Variants in SGTB observed in about 807,000 individuals in gnomAD.
SGTB encodes the protein small glutamine rich tetratricopeptide repeat co-chaperone beta, also known as small glutamine-rich tetratricopeptide repeat-containing protein beta.
A neutral mutation model predicts 43.9 loss-of-function variants in SGTB; 19 were observed. That is an observed-to-expected ratio of 0.43 (90% confidence interval 0.30 to 0.63). SGTB has a LOEUF of 0.63. Ranked by LOEUF, SGTB falls within the 30% of genes least tolerant of loss-of-function variation. The pLI is 0.12. For synonymous variants in SGTB, 116 were observed against 117.3 expected, an observed-to-expected ratio of 0.99 and a Z score of 0.07; for missense variants, 304 against 358.9, an observed-to-expected ratio of 0.85 and a Z score of 1.24.
At chr5:65,716,772 TA>T (rs1160266144) in intron 2 of SGTB, among the ~76,000 whole-genome samples, 2 of 152,136 alleles carry the variant, frequency 1.3e-5, no homozygotes, top group Non-Finnish European at 1.5e-5. Flanking sequence ...CTTGGATATA[TA>T]AGACCTTCAG....
chr5:65,704,082 G>C (rs1256293703), intron 5 of SGTB, among the ~76,000 whole-genome samples, 197 bp downstream of exon 5: 1 of 150,422 alleles, frequency 6.6e-6, no homozygotes, highest in African/African-American at 2.4e-5. Flanking sequence ...ATAAATTTAT[G>C]TAAGACAAAA....
intron 5 of SGTB, among the ~76,000 whole-genome samples, chr5:65,702,029 C>A (rs1757836080): frequency 2.6e-5 from 4 of 152,208 alleles, no homozygotes; most frequent in African/African-American, 9.6e-5. Context: ...TGGCTAGTGG[C>A]AACTGAGTTG....
At chr5:65,694,274 A>G (rs1757673999) in intron 5 of SGTB, among the ~76,000 whole-genome samples, 1 of 151,944 alleles carries the variant, frequency 6.6e-6, no homozygotes. Flanking sequence ...TACTAAAACT[A>G]CAAAAAAATT....
chr5:65,677,428 G>A (rs771893560), intron 8 of SGTB, among the ~76,000 whole-genome samples: 9 of 150,840 alleles, frequency 6.0e-5, no homozygotes, highest in African/African-American at 1.2e-4. Context: ...AGCTGGTACC[G>A]TTCCTACAGA....
intron 8 of SGTB, among the ~76,000 whole-genome samples, chr5:65,679,505 T>C (rs1335127298): frequency 6.6e-6 from 1 of 152,038 alleles, no homozygotes; most frequent in Non-Finnish European, 1.5e-5. Flanking sequence ...TAATCCCAGC[T>C]ACTCAGGAGG....
At chr5:65,720,912 G>T in intron 1 of SGTB, 83 bp from the exon 2 acceptor site, 2 of 1,378,396 alleles carry the variant, frequency 1.5e-6, no homozygotes, top group Non-Finnish European at 1.9e-6. Flanking sequence ...GATGATATGG[G>T]TTATAAAGTG....
Position 65,671,947 on chromosome 5 carries a change from C to G in SGTB, c.771G>C (p.Gly257=). ...NAIGGPAAGV[G]GLTDLSSLIQ... Reference sequence around the variant, plus strand: ...TGAGGCTTGACAGGTCAGTTAGGCCCCCAACTCCAGCAGCAGGTCCCCCAA... The same window carrying G: ...TGAGGCTTGACAGGTCAGTTAGGCCGCCAACTCCAGCAGCAGGTCCCCCAA... The change falls in exon 10 of 11, where the codon GGG becomes GGC. Residue 257 remains glycine, a synonymous_variant. Coordinates refer to ENST00000381007, the MANE Select transcript of SGTB (RefSeq NM_019072.3). The G allele has an allele frequency of 6.2e-7, 1 of 1,613,906 alleles. No individual in the cohort carries two copies. Among genetic ancestry groups the G allele is most frequent in the Non-Finnish European group, 8.5e-7 (1 of 1,179,952 alleles).
intron 5 of SGTB, among the ~76,000 whole-genome samples, chr5:65,688,394 A>G (rs1045573393): frequency 3.9e-5 from 6 of 152,206 alleles, no homozygotes; most frequent in Non-Finnish European, 7.3e-5. Flanking sequence ...AAATGCCTCA[A>G]TCTCATCTCT....
chr5:65,673,469 C>T (rs1241144226), intron 8 of SGTB, among the ~76,000 whole-genome samples: 1 of 152,156 alleles, frequency 6.6e-6, no homozygotes, highest in African/African-American at 2.4e-5. Flanking sequence ...GCATTAGATT[C>T]TCATAGGAGC....
rs979131269 is a variant in SGTB at position 65,716,440 on chromosome 5, C to T, written c.101-3376G>A. Among the ~76,000 whole-genome samples the T allele has an allele frequency of 3.9e-5, 6 of 152,278 alleles. No individual in the cohort carries two copies. In the South Asian group the frequency reaches 1.2e-3, roughly 32 times the overall value. Reference sequence around the variant, plus strand: ...GGGGCAAGAATAGAAGCAGAGAGACCAGTTAGAGGCTATCACACTAAAACA... The same window carrying T: ...GGGGCAAGAATAGAAGCAGAGAGACTAGTTAGAGGCTATCACACTAAAACA... On this transcript the variant is annotated intron_variant, in intron 2 of 10. Transcript: ENST00000381007.
chr5:65,714,106 A>AT (rs1269624776), intron 2 of SGTB, among the ~76,000 whole-genome samples: 1 of 152,178 alleles, frequency 6.6e-6, no homozygotes, highest in African/African-American at 2.4e-5. Context: ...CTAAAATATT[A>AT]TTTTTTTAAA....
intron 3 of SGTB, 93 bp downstream of exon 3, chr5:65,712,868 T>G: frequency 1.2e-6 from 1 of 853,396 alleles, no homozygotes; most frequent in East Asian, 2.6e-5. Context: ...ATGAAGTTAA[T>G]TACTCATATA....
chr5:65,689,036 T>C (rs1757552065), intron 5 of SGTB, among the ~76,000 whole-genome samples: 1 of 152,070 alleles, frequency 6.6e-6, no homozygotes, highest in Non-Finnish European at 1.5e-5. Flanking sequence ...GGTCTCGATC[T>C]CCTGACCTCG....
chr5:65,700,695 AAAAG>A (rs1423630026), intron 5 of SGTB, among the ~76,000 whole-genome samples: 1 of 148,336 alleles, frequency 6.7e-6, no homozygotes, highest in African/African-American at 2.5e-5. Flanking sequence ...AAAAAAAAAA[AAAAG>A]AAAGAAAGAA....
chr5:65,704,035 CAAAAAA>C (rs11405488), intron 5 of SGTB, among the ~76,000 whole-genome samples: 5,056 of 133,314 alleles, frequency 0.038, 299 homozygotes, highest in African/African-American at 0.13. Flanking sequence ...GACTCCGTCT[CAAAAAA>C]AAAAAAAAAA....
intron 8 of SGTB, among the ~76,000 whole-genome samples, chr5:65,676,037 G>A (rs555627126): frequency 6.6e-6 from 1 of 152,166 alleles, no homozygotes; most frequent in African/African-American, 2.4e-5. Flanking sequence ...AAAAGACACA[G>A]AATGGCAAAC....
chr5:65,677,423 G>C (rs933995106), intron 8 of SGTB, among the ~76,000 whole-genome samples: 1 of 151,330 alleles, frequency 6.6e-6, no homozygotes, highest in Non-Finnish European at 1.5e-5. Context: ...AGAAGAGCTG[G>C]TACCGTTCCT....
rs1242383522 is a variant in SGTB, at chr5:65,720,835, T to A, written c.-22-6A>T. Reference sequence around the variant, plus strand: ...TAGAAGCTTAAACACTTTTCCTTGATAAGAAAAATGAAAACACTGAACTAA... The same window carrying A: ...TAGAAGCTTAAACACTTTTCCTTGAAAAGAAAAATGAAAACACTGAACTAA... On this transcript the variant is annotated splice_region_variant and splice_polypyrimidine_tract_variant and intron_variant, in intron 1 of 10. Transcript: ENST00000381007. The A allele has an allele frequency of 6.3e-7, 1 of 1,598,616 alleles. No homozygotes were observed. The highest frequency in any genetic ancestry group is 2.2e-5 in the East Asian group (1 of 44,718).
chr5:65,700,492 G>A (rs1026904962), intron 5 of SGTB, among the ~76,000 whole-genome samples: 10 of 151,462 alleles, frequency 6.6e-5, no homozygotes, highest in African/African-American at 2.2e-4. Context: ...CCTGGCTAAC[G>A]TGGTGAAACC....
Sources: gnomAD v4.1 joint callset for allele counts (sites outside exome capture counted in the v4.1 genomes callset) on GRCh38, gnomAD v4.1.1 for gene constraint, MANE v1.5 for transcripts, NCBI Gene and HGNC (gene_info 2026-07-23, HGNC 2026-07-21) for gene names.